The following ETS2 variants were observed in gnomAD, a reference collection of about 807,000 sequenced individuals.
ETS2 encodes protein C-ets-2.
ETS2 carries 19 observed loss-of-function variants against 54.9 expected under a neutral mutation model. The observed-to-expected ratio is 0.35, with a 90% CI of 0.24 to 0.51. The LOEUF is 0.51. Ranked by LOEUF, ETS2 falls within the 20% of genes least tolerant of loss-of-function variation. The probability of loss-of-function intolerance (pLI) is 0.97; values close to 1 mark genes in which losing one functional copy is unlikely to be tolerated. For missense variants in ETS2, 417 were observed against 593.0 expected (o/e 0.70, Z 3.08); for synonymous variants, 219 against 229.3 (o/e 0.95, Z 0.41).
chr21:38,813,923 TAC>T (rs2060922947), intron 3 of ETS2, among the ~76,000 whole-genome samples: 1 of 152,234 alleles, frequency 6.6e-6, no homozygotes, highest in South Asian at 2.1e-4. Flanking sequence ...TTCCAAATGA[TAC>T]AGTCCCTTCA....
rs760537586 is a variant in ETS2 at position 38,806,064 on chromosome 21, G to T, written c.-57G>T. 7 of 1,171,100 alleles carry T rather than the reference G, an allele frequency of 6.0e-6. No individual in the cohort carries two copies. In the South Asian group the frequency reaches 9.3e-5, roughly 16 times the overall value. 72.5% of individuals were successfully genotyped at this position (1,171,100 alleles called of 1,614,324 possible). ...CTCGCCCGGCGCGCACCGAGCAGCCGCGGGCGCCGAGCAGCCACCGTCCCG... is the reference window on the plus strand; with the variant it reads ...CTCGCCCGGCGCGCACCGAGCAGCCTCGGGCGCCGAGCAGCCACCGTCCCG... On this transcript the variant is annotated 5_prime_UTR_variant, in exon 1 of 10. Coordinates refer to ENST00000360938, the MANE Select transcript of ETS2 (RefSeq NM_005239.6). The surrounding 1 kb of genome is among the most constrained non-coding windows in gnomAD (Gnocchi z 4.3).
intron 9 of ETS2, among the ~76,000 whole-genome samples, chr21:38,822,272 G>C (rs1046173229): frequency 1.3e-5 from 2 of 152,220 alleles, no homozygotes; most frequent in African/African-American, 4.8e-5. Context: ...TGGGAGACAA[G>C]CATTGAGGAA....
chr21:38,811,297 CTAAAG>C (rs1481898277), intron 2 of ETS2, among the ~76,000 whole-genome samples: 1 of 152,112 alleles, frequency 6.6e-6, no homozygotes, highest in Non-Finnish European at 1.5e-5. Flanking sequence ...TAGCTCTGCT[CTAAAG>C]TAGTTTGTAA....
At chr21:38,811,559 G>A (rs978631684) in intron 2 of ETS2, among the ~76,000 whole-genome samples, 1 of 152,194 alleles carries the variant, frequency 6.6e-6, no homozygotes, top group Non-Finnish European at 1.5e-5. Context: ...CATAACATGG[G>A]ATTTCCAGCT....
At chr21:38,820,370 T>G (rs911424541) in intron 8 of ETS2, among the ~76,000 whole-genome samples, 2 of 152,190 alleles carry the variant, frequency 1.3e-5, no homozygotes, top group Admixed American at 6.5e-5. Flanking sequence ...GGATTGAAAT[T>G]ACCTAACTTA....
upstream of ETS2, chr21:38,805,493 G>C: frequency 7.8e-7 from 1 of 1,288,066 alleles, no homozygotes. This position sits in a 1 kb window ranked among gnomAD's most constrained non-coding sequence, Gnocchi z 5.2. Context: ...GCGCTCCACG[G>C]AAAGTCTCCG....
intron 5 of ETS2, among the ~76,000 whole-genome samples, chr21:38,816,657 T>C (rs2060936700): frequency 6.6e-6 from 1 of 152,300 alleles, no homozygotes; most frequent in Admixed American, 6.5e-5. Context: ...TTTATTAATT[T>C]CCTGTATGCA....
At chr21:38,810,552 A>G (rs2060910223) in intron 2 of ETS2, among the ~76,000 whole-genome samples, 1 of 152,244 alleles carries the variant, frequency 6.6e-6, no homozygotes, top group Admixed American at 6.5e-5. Context: ...AATTGTAGGT[A>G]GCCTGTTACT....
chr21:38,814,223 G>T lies in ETS2; in HGVS notation c.185-50G>T. 1.3e-6 allele frequency: 2 copies of T among 1,590,244 alleles called. No homozygotes were observed. The highest frequency in any genetic ancestry group is 1.7e-6 in the Non-Finnish European group (2 of 1,163,888). On this transcript the variant is annotated intron_variant, in intron 3 of 9. Transcript: ENST00000360938. This position sits in a 1 kb window ranked among gnomAD's most constrained non-coding sequence, Gnocchi z 4.2. Reference sequence around the variant, plus strand: ...AGATGTCTCTCCTAAATCTCCACCTGATATCACCAACTTGAAGTCCTAATG... The same window carrying T: ...AGATGTCTCTCCTAAATCTCCACCTTATATCACCAACTTGAAGTCCTAATG...
At chr21:38,817,460 C>T (rs1030942528) in intron 6 of ETS2, among the ~76,000 whole-genome samples, 3 of 152,216 alleles carry the variant, frequency 2.0e-5, no homozygotes, top group East Asian at 3.8e-4. Flanking sequence ...CTAGAACTTT[C>T]GCAGTTGCTT....
At chr21:38,817,720 C>T (rs1339079150) in intron 6 of ETS2, among the ~76,000 whole-genome samples, 3 of 152,204 alleles carry the variant, frequency 2.0e-5, no homozygotes, top group Non-Finnish European at 4.4e-5. Context: ...GGGGAGGGCA[C>T]AGGGTCTGGC....
chr21:38,805,579 A>C (rs1333584389), upstream of ETS2: 1 of 1,277,416 alleles, frequency 7.8e-7, no homozygotes, highest in Non-Finnish European at 1.0e-6. The surrounding 1 kb of genome is among the most constrained non-coding windows in gnomAD (Gnocchi z 5.2). Flanking sequence ...CCAGCCGGCG[A>C]GGGACCCAGC....
Position 38,806,383 on chromosome 21 carries a change from C to T in ETS2, c.-1+263C>T, listed in dbSNP as rs1188200092. The T allele has an allele frequency of 2.0e-6, 2 of 985,336 alleles. No homozygotes were observed. Among genetic ancestry groups the T allele is most frequent in the African/African-American group, 3.5e-5 (2 of 57,194 alleles). The allele number at this position is 985,336 out of a possible 1,614,324, so 61.0% of individuals were successfully genotyped here. On this transcript the variant is annotated intron_variant, in intron 1 of 9. Coordinates refer to ENST00000360938, the MANE Select transcript of ETS2 (RefSeq NM_005239.6). The surrounding 1 kb of genome is among the most constrained non-coding windows in gnomAD (Gnocchi z 4.3). ...TCCTGCGTGCTAGGGCCGCTGTCTT[C>T]GGGGTCGCCTAGCGGCGGGCGCGGC...
At chr21:38,810,584 T>TA (rs2060910390) in intron 2 of ETS2, among the ~76,000 whole-genome samples, 1 of 152,216 alleles carries the variant, frequency 6.6e-6, no homozygotes, top group Admixed American at 6.5e-5. Flanking sequence ...CAAGCAGGCC[T>TA]ACTTATGTTA....
intron 8 of ETS2, among the ~76,000 whole-genome samples, chr21:38,820,166 G>C (rs2060952134): frequency 6.6e-6 from 1 of 152,198 alleles, no homozygotes; most frequent in Non-Finnish European, 1.5e-5. Flanking sequence ...ACCTTTTCTT[G>C]CTTCTAAAAT....
chr21:38,823,627 T>G lies in ETS2; in HGVS notation c.*738T>G, dbSNP rs961595984. ...ATCCCTGCTTTTTGTGTTTTTTTGTTTGTTTGTTTGTTTGTTTTTGGGGGG... is the reference window on the plus strand; with the variant it reads ...ATCCCTGCTTTTTGTGTTTTTTTGTGTGTTTGTTTGTTTGTTTTTGGGGGG... On this transcript the variant is annotated 3_prime_UTR_variant, in exon 10 of 10. Transcript: ENST00000360938. 1 of 152,726 alleles carries G rather than the reference T, an allele frequency of 6.5e-6. No homozygotes were observed. The highest frequency in any genetic ancestry group is 2.4e-5 in the African/African-American group (1 of 41,408). The allele number at this position is 152,726 out of a possible 1,614,324, so 9.5% of individuals were successfully genotyped here.
At chr21:38,807,906 G>A (rs2060899607) in intron 1 of ETS2, among the ~76,000 whole-genome samples, 1 of 152,264 alleles carries the variant, frequency 6.6e-6, no homozygotes, top group South Asian at 2.1e-4. Context: ...TTCTGTTTGA[G>A]GCTTGTTTAT....
Position 38,806,000 on chromosome 21 carries a change from G to C in ETS2, c.-121G>C. 1 of 1,262,842 alleles carries C rather than the reference G, an allele frequency of 7.9e-7. No individual in the cohort carries two copies. Among genetic ancestry groups the C allele is most frequent in the South Asian group, 1.3e-5 (1 of 78,990 alleles). The allele number at this position is 1,262,842 out of a possible 1,614,324, so 78.2% of individuals were successfully genotyped here. A position where few individuals can be genotyped will look rare whatever the true frequency, so the allele number is the denominator to read the frequency against. On this transcript the variant is annotated 5_prime_UTR_variant, in exon 1 of 10. Transcript: ENST00000360938. The surrounding 1 kb of genome is among the most constrained non-coding windows in gnomAD (Gnocchi z 5.2). The stretch of plus-strand genomic sequence containing the variant: ...GAGCTCCCGGAGCCGCCCGGCCAGC[G>C]TCCGGCCTCCCTGATCGTCTCTGGC...
chr21:38,816,390 C>A (rs2060935699), intron 5 of ETS2, among the ~76,000 whole-genome samples: 1 of 152,076 alleles, frequency 6.6e-6, no homozygotes, highest in Non-Finnish European at 1.5e-5. Flanking sequence ...TGTTTATTGG[C>A]AAATTGGGCC....
Sources: gnomAD v4.1 joint callset for allele counts (sites outside exome capture counted in the v4.1 genomes callset) on GRCh38, gnomAD v4.1.1 for gene constraint, Gnocchi (gnomAD v3.1) non-coding constraint, MANE v1.5 for transcripts, NCBI Gene and HGNC (gene_info 2026-07-23, HGNC 2026-07-21) for gene names.